The following NAV3 variants were observed in gnomAD, a reference collection of about 807,000 sequenced individuals.
NAV3 encodes the protein pore membrane and/or filament interacting like protein 1.
Under a neutral mutation model 244.7 loss-of-function variants are expected in NAV3, and 87 were observed. That is an observed-to-expected ratio of 0.36 (90% confidence interval 0.30 to 0.42). The LOEUF (loss-of-function observed/expected upper bound fraction) is 0.42, where lower values mean the gene tolerates loss of function less well. Among genes scored for constraint, NAV3 ranks in the 20% least tolerant of loss-of-function variants. The probability of loss-of-function intolerance (pLI) is 1.00; values close to 1 mark genes in which losing one functional copy is unlikely to be tolerated. For missense variants in NAV3, 2,663 were observed against 2,893.3 expected, an observed-to-expected ratio of 0.92 and a Z score of 1.83; for synonymous variants, 1,126 against 1,042.2, an observed-to-expected ratio of 1.08 and a Z score of -1.55.
intron 1 of NAV3, among the ~76,000 whole-genome samples, chr12:77,912,134 A>T (rs1470808231): frequency 6.6e-6 from 1 of 152,158 alleles, no homozygotes; most frequent in Non-Finnish European, 1.5e-5. Flanking sequence ...ACCAAAAAAG[A>T]TGTGTTGAAA....
intron 1 of NAV3, among the ~76,000 whole-genome samples, chr12:77,877,640 A>G (rs1377289904): frequency 6.6e-6 from 1 of 152,148 alleles, no homozygotes; most frequent in Non-Finnish European, 1.5e-5. Context: ...GGGATAATAG[A>G]CCAATCCCCC....
intron 9 of NAV3, among the ~76,000 whole-genome samples, chr12:78,041,064 G>A (rs1260056456): frequency 6.6e-6 from 1 of 152,106 alleles, no homozygotes; most frequent in East Asian, 1.9e-4. Flanking sequence ...GGAGAAGTAT[G>A]GGAAGAATTT....
At chr12:77,803,137 G>A (rs1320775468) in intron 2 of NAV3, among the ~76,000 whole-genome samples, 4 of 152,020 alleles carry the variant, frequency 2.6e-5, no homozygotes, top group East Asian at 1.9e-4. Flanking sequence ...TGTGCAGAAC[G>A]TGCATGTTTG....
At chr12:77,587,972 A>G (rs922172568) in intron 2 of NAV3, among the ~76,000 whole-genome samples, 4 of 152,206 alleles carry the variant, frequency 2.6e-5, no homozygotes, top group Non-Finnish European at 4.4e-5. Flanking sequence ...CAGTCCATCA[A>G]GTAGGTTCTA....
chr12:77,591,848 A>G (rs1354924612), intron 2 of NAV3, among the ~76,000 whole-genome samples: 3 of 152,210 alleles, frequency 2.0e-5, no homozygotes, highest in African/African-American at 7.2e-5. Flanking sequence ...CATATGTCAT[A>G]TTAACTTTAC....
At chr12:77,995,739 A>C (rs1872247220) in intron 6 of NAV3, among the ~76,000 whole-genome samples, 1 of 152,170 alleles carries the variant, frequency 6.6e-6, no homozygotes, top group African/African-American at 2.4e-5. Context: ...TAGCCAAAAT[A>C]ATTCTCGAAA....
intron 2 of NAV3, among the ~76,000 whole-genome samples, chr12:77,698,301 C>T (rs564481911): frequency 6.6e-6 from 1 of 152,208 alleles, no homozygotes; most frequent in Non-Finnish European, 1.5e-5. Context: ...ATCTTTCTGT[C>T]AGCTGGCTTG....
chr12:77,601,578 G>A (rs1412685270), intron 2 of NAV3, among the ~76,000 whole-genome samples: 3 of 151,942 alleles, frequency 2.0e-5, no homozygotes, highest in Admixed American at 6.6e-5. Context: ...AGCATGTGGT[G>A]CATAGTAAGG....
intron 9 of NAV3, among the ~76,000 whole-genome samples, chr12:78,034,281 C>T (rs1404174938): frequency 6.6e-5 from 10 of 152,162 alleles, no homozygotes; most frequent in Non-Finnish European, 1.5e-4. Context: ...TGCCAAATGT[C>T]CCTTGGGGGA....
intron 23 of NAV3, among the ~76,000 whole-genome samples, chr12:78,166,154 A>T (rs1957772998): frequency 6.6e-6 from 1 of 151,916 alleles, no homozygotes. Context: ...GTCTCAAAGC[A>T]CATTTTCACT....
intron 2 of NAV3, among the ~76,000 whole-genome samples, chr12:77,722,066 T>C (rs961212336): frequency 6.6e-6 from 1 of 152,050 alleles, no homozygotes; most frequent in African/African-American, 2.4e-5. Flanking sequence ...AAACCCCAAC[T>C]CAATTTTCTG....
At chr12:78,006,317 G>T in intron 7 of NAV3, 102 bp from the exon 8 acceptor site, 1 of 1,052,456 alleles carries the variant, frequency 9.5e-7, no homozygotes, top group Admixed American at 2.5e-5. Flanking sequence ...GTTCAGAGGA[G>T]AGAGACTTCT....
intron 3 of NAV3, among the ~76,000 whole-genome samples, chr12:77,962,341 G>A (rs749419210): frequency 6.6e-6 from 1 of 151,966 alleles, no homozygotes; most frequent in Non-Finnish European, 1.5e-5. Context: ...TACTGCCTAC[G>A]AACCATCTAC....
intron 22 of NAV3, among the ~76,000 whole-genome samples, chr12:78,158,267 T>G (rs1957388984): frequency 6.6e-6 from 1 of 152,300 alleles, no homozygotes; most frequent in South Asian, 2.1e-4. Context: ...ATTAAATCCT[T>G]ATATCCTTTT....
rs772102002 is a variant in NAV3 at position 78,007,430 on chromosome 12, C to T, written c.1892C>T (p.Ala631Val). 1 of 1,613,348 alleles carries T rather than the reference C, an allele frequency of 6.2e-7. No homozygotes were observed. Among genetic ancestry groups the T allele is most frequent in the African/African-American group, 1.3e-5 (1 of 75,034 alleles). Reference protein sequence around the residue: ...QHSHPNTATVAPFIYRAHSEN... With the variant: ...QHSHPNTATVVPFIYRAHSEN... ...AGCCACCCGAATACCGCGACAGTGGCACCATTCATTTACAGGTAAGGTGGC... is the reference window on the plus strand; with the variant it reads ...AGCCACCCGAATACCGCGACAGTGGTACCATTCATTTACAGGTAAGGTGGC... Residue 631 changes from alanine (A) to valine (V), a missense_variant, in exon 8 of 40, where the codon GCA (alanine) becomes GTA (valine). Physicochemically the swap from Ala to Val is moderately conservative, Grantham distance 64. This residue lies in a region of NAV3 where 1,521 missense variants were observed against 1,497.0 expected (regional missense o/e 1.02). Transcript: ENST00000397909.
intron 1 of NAV3, among the ~76,000 whole-genome samples, chr12:77,929,857 C>T (rs1026052931): frequency 1.4e-5 from 2 of 146,234 alleles, no homozygotes; most frequent in Admixed American, 7.0e-5. Context: ...CCATTTTGGC[C>T]AGGCTGGTCT....
Position 78,137,180 on chromosome 12 carries a change from G to A in NAV3, c.4445G>A (p.Ser1482Asn). The A allele has an allele frequency of 6.2e-7, 1 of 1,608,492 alleles. No homozygotes were observed. ...CTCTGTGTGTTTTGTTTTTCAGTGA[G>A]CCCAACAAATTTGTCTCAGTTTAAC... ...AGKYHFSNLV[S>N]PTNLSQFNLP... The change falls in exon 19 of 40, where the codon AGC becomes AAC. Residue 1482 changes from serine (S) to asparagine (N), a missense_variant. Physicochemically the swap from Ser to Asn is conservative, Grantham distance 46. Around this residue, in one of 6 missense-constraint regions of NAV3, gnomAD observed 354 missense variants for 413.0 expected, o/e 0.86. Coordinates refer to ENST00000397909, the MANE Select transcript of NAV3 (RefSeq NM_001024383.2).
At chr12:78,209,007 T>C (rs1960623205) in intron 39 of NAV3, among the ~76,000 whole-genome samples, 1 of 152,150 alleles carries the variant, frequency 6.6e-6, no homozygotes, top group Non-Finnish European at 1.5e-5. Context: ...AAAGAAACTA[T>C]GTTGAAGGAG....
chr12:77,712,053 T>C (rs796466094), intron 2 of NAV3, among the ~76,000 whole-genome samples: 14 of 152,326 alleles, frequency 9.2e-5, no homozygotes, highest in African/African-American at 2.6e-4. Flanking sequence ...CCCAGGTCAT[T>C]TAAACCACCT....
Sources: allele counts gnomAD v4.1 joint callset (sites outside exome capture counted in the v4.1 genomes callset), GRCh38; gene constraint gnomAD v4.1.1; regional missense constraint gnomAD v4.1.1; transcripts MANE v1.5; gene names NCBI Gene and HGNC (gene_info 2026-07-23, HGNC 2026-07-21).